The following NXPE4 variants were observed in gnomAD, a reference collection of about 807,000 sequenced individuals.
NXPE4 encodes NXPE family member 4.
A neutral mutation model predicts 33.3 loss-of-function variants in NXPE4; 42 were observed. That is an observed-to-expected ratio of 1.26 (90% confidence interval 0.98 to 1.63). The LOEUF (loss-of-function observed/expected upper bound fraction) is 1.63. Among genes scored for constraint, NXPE4 ranks in the 40% most tolerant of loss-of-function variants. NXPE4 has a pLI of 0.00. For missense variants in NXPE4, 709 were observed against 647.6 expected (o/e 1.09, Z -1.03); for synonymous variants, 253 against 234.9 (o/e 1.08, Z -0.71).
At chr11:114,620,530 A>G in the NXPE4 span, among the ~76,000 whole-genome samples, 25 of 143,478 alleles carry the variant, frequency 1.7e-4, no homozygotes, top group African/African-American at 1.6e-4. Flanking sequence ...TTAAGGCGGT[A>G]GATAATAAGT....
the NXPE4 span, among the ~76,000 whole-genome samples, chr11:114,640,573 A>G: frequency 6.6e-6 from 1 of 151,862 alleles, no homozygotes; most frequent in Non-Finnish European, 1.5e-5. Context: ...ACTCCCACCC[A>G]CAATGCATAA....
At chr11:114,629,617 G>C in the NXPE4 span, among the ~76,000 whole-genome samples, 1 of 151,980 alleles carries the variant, frequency 6.6e-6, no homozygotes, top group African/African-American at 2.4e-5. Flanking sequence ...GCACAAGACA[G>C]GGATGCCCTC....
At chr11:114,655,966 T>A in the NXPE4 span, among the ~76,000 whole-genome samples, 9 of 152,150 alleles carry the variant, frequency 5.9e-5, no homozygotes, top group Non-Finnish European at 1.2e-4. Context: ...CGTATTCACA[T>A]AGGAAGAGAG....
the NXPE4 span, among the ~76,000 whole-genome samples, chr11:114,610,835 A>C: frequency 6.6e-6 from 1 of 152,084 alleles, no homozygotes; most frequent in East Asian, 1.9e-4. Flanking sequence ...TGTGGATAAT[A>C]AGTATTGCCT....
At chr11:114,616,482 G>A in the NXPE4 span, among the ~76,000 whole-genome samples, 7 of 151,356 alleles carry the variant, frequency 4.6e-5, no homozygotes, top group African/African-American at 1.7e-4. Context: ...GTGTTGCCTC[G>A]AGGGTAACCA....
At chr11:114,637,110 A>C in the NXPE4 span, among the ~76,000 whole-genome samples, 1 of 151,708 alleles carries the variant, frequency 6.6e-6, no homozygotes, top group African/African-American at 2.4e-5. Flanking sequence ...GTCTCTTTGT[A>C]GGTCACTCAG....
intron 2 of NXPE4, among the ~76,000 whole-genome samples, chr11:114,586,490 C>T (rs558050954): frequency 6.6e-5 from 10 of 152,300 alleles, no homozygotes; most frequent in South Asian, 2.1e-4. Context: ...AAAAAGTTAG[C>T]GTGGCTACCA....
chr11:114,650,507 G>A, the NXPE4 span, among the ~76,000 whole-genome samples: 2 of 152,180 alleles, frequency 1.3e-5, no homozygotes, highest in Non-Finnish European at 2.9e-5. Context: ...TAAAGCCCTG[G>A]CCTTAAGCAA....
At chr11:114,675,504 G>A in the NXPE4 span, among the ~76,000 whole-genome samples, 41 of 151,546 alleles carry the variant, frequency 2.7e-4, no homozygotes, top group African/African-American at 1.7e-4. Flanking sequence ...TTTTCTATAC[G>A]CTAACAATAA....
At chr11:114,612,284 C>T in the NXPE4 span, among the ~76,000 whole-genome samples, 4 of 150,588 alleles carry the variant, frequency 2.7e-5, no homozygotes, top group South Asian at 6.3e-4. Flanking sequence ...CACTATTACC[C>T]GTTGGATAAT....
At chr11:114,670,968 C>T in the NXPE4 span, among the ~76,000 whole-genome samples, 13,043 of 149,706 alleles carry the variant, frequency 0.087, 778 homozygotes, top group Non-Finnish European at 0.13. Flanking sequence ...TAAAGGAAGC[C>T]CTGCTTAAAA....
the NXPE4 span, among the ~76,000 whole-genome samples, chr11:114,602,225 G>T: frequency 1.9e-5 from 2 of 102,966 alleles, no homozygotes; most frequent in Non-Finnish European, 3.5e-5. Context: ...ATATGTTATA[G>T]ATTATATATT....
At chr11:114,577,650 G>C (rs1011968221) in intron 5 of NXPE4, among the ~76,000 whole-genome samples, 3 of 152,182 alleles carry the variant, frequency 2.0e-5, no homozygotes, top group African/African-American at 4.8e-5. Flanking sequence ...GGGATGGAAA[G>C]GTAGTGAGGT....
At chr11:114,641,122 C>A in the NXPE4 span, among the ~76,000 whole-genome samples, 2 of 151,792 alleles carry the variant, frequency 1.3e-5, no homozygotes, top group African/African-American at 4.8e-5. Context: ...GTCTGGTGCA[C>A]GAGTAGAATG....
chr11:114,677,327 C>T, the NXPE4 span, among the ~76,000 whole-genome samples: 2 of 152,046 alleles, frequency 1.3e-5, no homozygotes, highest in African/African-American at 4.8e-5. Context: ...TGTTAATTAG[C>T]TTGATTGTAG....
At chr11:114,602,077 A>G in the NXPE4 span, among the ~76,000 whole-genome samples, 1 of 97,148 alleles carries the variant, frequency 1.0e-5, no homozygotes, top group South Asian at 3.2e-4. Flanking sequence ...TATATATTCT[A>G]TATTTTATTA....
At chr11:114,612,083 A>G in the NXPE4 span, among the ~76,000 whole-genome samples, 2 of 151,696 alleles carry the variant, frequency 1.3e-5, no homozygotes, top group African/African-American at 2.4e-5. Context: ...ATGGTGGATA[A>G]TAAGTGTTGA....
chr11:114,652,509 T>C, the NXPE4 span, among the ~76,000 whole-genome samples: 1 of 152,228 alleles, frequency 6.6e-6, no homozygotes, highest in South Asian at 2.1e-4. Context: ...AGGATTATGA[T>C]GGAATTCATC....
At chr11:114,673,886 C>T in the NXPE4 span, among the ~76,000 whole-genome samples, 1 of 151,878 alleles carries the variant, frequency 6.6e-6, no homozygotes, top group African/African-American at 2.4e-5. Flanking sequence ...CTAAATCCTT[C>T]AGGATACACA....
Sources: gnomAD v4.1 joint callset for allele counts (sites outside exome capture counted in the v4.1 genomes callset) on GRCh38, gnomAD v4.1.1 for gene constraint, MANE v1.5 for transcripts, NCBI Gene and HGNC (gene_info 2026-07-23, HGNC 2026-07-21) for gene names.